Variants in ARHGEF10L observed in about 807,000 individuals in gnomAD.
ARHGEF10L encodes the protein Rho guanine nucleotide exchange factor 10 like, also known as rho guanine nucleotide exchange factor 10-like protein.
A neutral mutation model predicts 141.2 loss-of-function variants in ARHGEF10L; 69 were observed. The observed-to-expected ratio is 0.49, with a 90% CI of 0.40 to 0.60. ARHGEF10L has a LOEUF of 0.60. ARHGEF10L is among the 20% of genes least tolerant of loss of function. The pLI, the probability that ARHGEF10L is intolerant of heterozygous loss-of-function variation, is 0.00. For missense variants in ARHGEF10L, 1,482 were observed against 1,734.3 expected (o/e 0.85, Z 2.58); for synonymous variants, 711 against 718.5 (o/e 0.99, Z 0.17).
chr1:17,571,449 C>G (rs2077995678), intron 1 of ARHGEF10L, among the ~76,000 whole-genome samples: 2 of 152,078 alleles, frequency 1.3e-5, no homozygotes, highest in Non-Finnish European at 1.5e-5. Flanking sequence ...TCGGGGAAGT[C>G]TTGTAAAGGG....
chr1:17,697,191 C>G lies in ARHGEF10L; in HGVS notation c.3651C>G (p.Pro1217=), dbSNP rs140652043. The change falls in exon 29 of 29, where the codon CCC becomes CCG. Residue 1217 remains proline (P), a synonymous_variant. Coordinates refer to ENST00000361221, the MANE Select transcript of ARHGEF10L (RefSeq NM_018125.4). This position sits in a 1 kb window ranked among gnomAD's most constrained non-coding sequence, Gnocchi z 4.8. ...DGSIYEMADD[P]DIWVRSRPCA... ...CCATTTACGAGATGGCCGACGACCCCGACATCTGGGTGCGCAGCCGGCCCT... is the reference window on the plus strand; with the variant it reads ...CCATTTACGAGATGGCCGACGACCCGGACATCTGGGTGCGCAGCCGGCCCT... The G allele has an allele frequency of 1.9e-6, 3 of 1,612,144 alleles. No individual in the cohort carries two copies. Among genetic ancestry groups the G allele is most frequent in the Admixed American group, 3.3e-5 (2 of 59,990 alleles).
intron 2 of ARHGEF10L, 126 bp downstream of exon 2, chr1:17,580,758 C>A: frequency 8.6e-7 from 1 of 1,160,644 alleles, no homozygotes; most frequent in Non-Finnish European, 1.3e-6. Flanking sequence ...TGGCTGCTGG[C>A]CCTGCCTGGG....
chr1:17,691,217 G>A (rs2065078786), intron 27 of ARHGEF10L: 2 of 416,406 alleles, frequency 4.8e-6, no homozygotes, highest in Non-Finnish European at 4.7e-6. Flanking sequence ...GCCGCATTAA[G>A]TCTCTGTGAT....
intron 21 of ARHGEF10L, 113 bp downstream of exon 21, chr1:17,640,415 T>C (rs527848988): frequency 1.1e-6 from 1 of 878,502 alleles, no homozygotes; most frequent in Non-Finnish European, 1.7e-6. Context: ...GCAGGGAGGC[T>C]TCTGAGTGGG....
At chr1:17,571,665 C>T (rs2078006515) in intron 1 of ARHGEF10L, among the ~76,000 whole-genome samples, 1 of 152,152 alleles carries the variant, frequency 6.6e-6, no homozygotes, top group Non-Finnish European at 1.5e-5. Context: ...TCCCGAGTAA[C>T]TGGGATTACA....
At chr1:17,680,130 G>T (rs569939125) in intron 26 of ARHGEF10L, among the ~76,000 whole-genome samples, 1 of 151,554 alleles carries the variant, frequency 6.6e-6, no homozygotes, top group Non-Finnish European at 1.5e-5. Context: ...ACCCGGGGTT[G>T]GTTCGCTCTC....
intron 6 of ARHGEF10L, among the ~76,000 whole-genome samples, chr1:17,605,952 G>C (rs557759327): frequency 6.6e-6 from 1 of 152,256 alleles, no homozygotes; most frequent in South Asian, 2.1e-4. Context: ...TCCTGGTTCT[G>C]GGACCCGTCT....
At chr1:17,519,892 T>C in the ARHGEF10L span, among the ~76,000 whole-genome samples, 2 of 151,584 alleles carry the variant, frequency 1.3e-5, no homozygotes, top group Admixed American at 1.3e-4. Context: ...GCCGGTTGCA[T>C]GATGTCACAT....
intron 26 of ARHGEF10L, among the ~76,000 whole-genome samples, chr1:17,675,454 G>A (rs1179917215): frequency 6.6e-6 from 1 of 151,330 alleles, no homozygotes; most frequent in African/African-American, 2.4e-5. Flanking sequence ...TGTAGGTGTG[G>A]GTGCAGGTGT....
chr1:17,667,272 A>T (rs2063045142), intron 26 of ARHGEF10L, among the ~76,000 whole-genome samples: 1 of 152,166 alleles, frequency 6.6e-6, no homozygotes, highest in Admixed American at 6.5e-5. Context: ...GGCAACCTTC[A>T]GTCTGATGTG....
chr1:17,544,261 T>C (rs2076836622), intron 1 of ARHGEF10L, among the ~76,000 whole-genome samples: 1 of 151,292 alleles, frequency 6.6e-6, no homozygotes, highest in Non-Finnish European at 1.5e-5. Flanking sequence ...CCATAAATTT[T>C]ATACATATAT....
chr1:17,633,701 A>G (rs1230470898), intron 16 of ARHGEF10L, among the ~76,000 whole-genome samples: 1 of 152,134 alleles, frequency 6.6e-6, no homozygotes, highest in Non-Finnish European at 1.5e-5. Flanking sequence ...GGCTACCATC[A>G]CCGAAATCCA....
At chr1:17,540,724 T>C (rs762145528) in intron 1 of ARHGEF10L, among the ~76,000 whole-genome samples, 24 of 152,106 alleles carry the variant, frequency 1.6e-4, no homozygotes, top group Admixed American at 7.2e-4. Context: ...CAGTGCCAAG[T>C]AGAGAGGTGG....
rs780826724 is a variant in ARHGEF10L, at chr1:17,621,043, G to C, written c.943-821G>C. Among the ~76,000 whole-genome samples the C allele has an allele frequency of 6.6e-6, 1 of 152,150 alleles. No homozygotes were observed. The highest frequency in any genetic ancestry group is 6.5e-5 in the Admixed American group (1 of 15,284). Reference sequence around the variant, plus strand: ...GGTTGTGATCCACTCCGTGGGCCAGGCTTCTGGAGGGTTACGGTGATGGTG... The same window carrying C: ...GGTTGTGATCCACTCCGTGGGCCAGCCTTCTGGAGGGTTACGGTGATGGTG... On this transcript the variant is annotated intron_variant, in intron 10 of 28. Coordinates refer to ENST00000361221, the MANE Select transcript of ARHGEF10L (RefSeq NM_018125.4). This position sits in a 1 kb window ranked among gnomAD's most constrained non-coding sequence, Gnocchi z 4.1.
chr1:17,603,418 C>T lies in ARHGEF10L; in HGVS notation c.350-90C>T. On this transcript the variant is annotated intron_variant, in intron 5 of 28. Coordinates refer to ENST00000361221, the MANE Select transcript of ARHGEF10L (RefSeq NM_018125.4). The surrounding 1 kb of genome is among the most constrained non-coding windows in gnomAD (Gnocchi z 4.8). ...CAGAAAGGAGGGTGCTGCGTGCCAC[C>T]AGCTGGTGCAGTCCTGATGTCATCT... is the stretch of plus-strand genomic sequence containing the variant. 3.0e-6 allele frequency: 3 copies of T among 986,684 alleles called. No homozygotes were observed. The highest frequency in any genetic ancestry group is 4.5e-6 in the Non-Finnish European group (3 of 666,956). 61.1% of individuals were successfully genotyped at this position (986,684 alleles called of 1,614,324 possible).
At chr1:17,579,508 T>C (rs2078384926) in intron 1 of ARHGEF10L, among the ~76,000 whole-genome samples, 1 of 152,224 alleles carries the variant, frequency 6.6e-6, no homozygotes, top group Non-Finnish European at 1.5e-5. Flanking sequence ...ATTTATAATT[T>C]GGAATAATAG....
chr1:17,690,215 A>G (rs1328294194), intron 27 of ARHGEF10L, among the ~76,000 whole-genome samples: 1 of 152,174 alleles, frequency 6.6e-6, no homozygotes, highest in Non-Finnish European at 1.5e-5. Flanking sequence ...CAAAGGGCTG[A>G]GATTTGAGTC....
chr1:17,537,873 A>C (rs2076600055), upstream of ARHGEF10L, among the ~76,000 whole-genome samples: 1 of 150,560 alleles, frequency 6.6e-6, no homozygotes, highest in Non-Finnish European at 1.5e-5. Flanking sequence ...AAAAAAAAAA[A>C]AGAAAGAAAA....
Position 17,639,474 on chromosome 1 carries a change from C to T in ARHGEF10L, c.2172-728C>T, listed in dbSNP as rs1206038460. Among the ~76,000 whole-genome samples, 2 of 152,194 alleles carry T rather than the reference C, an allele frequency of 1.3e-5. No homozygotes were observed. The highest frequency in any genetic ancestry group is 2.9e-5 in the Non-Finnish European group (2 of 68,026). On this transcript the variant is annotated intron_variant, in intron 20 of 28. Coordinates refer to ENST00000361221, the MANE Select transcript of ARHGEF10L (RefSeq NM_018125.4). The surrounding 1 kb of genome is among the most constrained non-coding windows in gnomAD (Gnocchi z 4.3). Reference sequence around the variant, plus strand: ...TTTGAGGTAGGACCATGGGCTCAGTCCCCCAGGGGACCATGTGTAGGAGTC... The same window carrying T: ...TTTGAGGTAGGACCATGGGCTCAGTTCCCCAGGGGACCATGTGTAGGAGTC...
Sources: gnomAD v4.1 joint callset for allele counts (sites outside exome capture counted in the v4.1 genomes callset) on GRCh38, gnomAD v4.1.1 for gene constraint, Gnocchi (gnomAD v3.1) non-coding constraint, MANE v1.5 for transcripts, NCBI Gene and HGNC (gene_info 2026-07-23, HGNC 2026-07-21) for gene names.